Variants in RARB observed in about 807,000 individuals in gnomAD.
RARB encodes the protein retinoic acid receptor beta.
Under a neutral mutation model 51.9 loss-of-function variants are expected in RARB, and 17 were observed. That is an observed-to-expected ratio of 0.33 (90% CI 0.22 to 0.49). The LOEUF (loss-of-function observed/expected upper bound fraction) is 0.49, where lower values mean the gene tolerates loss of function less well. RARB is among the 20% of genes least tolerant of loss of function. The pLI is 0.99. For missense variants in RARB, 369 were observed against 550.8 expected, an observed-to-expected ratio of 0.67 and a Z score of 3.30; for synonymous variants, 215 against 195.4, an observed-to-expected ratio of 1.10 and a Z score of -0.84.
intron 5 of RARB, among the ~76,000 whole-genome samples, chr3:25,362,971 GAA>G (rs1057308097): frequency 6.6e-5 from 10 of 151,806 alleles, no homozygotes; most frequent in African/African-American, 1.2e-4. Flanking sequence ...TGATGAGTAA[GAA>G]AAAAAGTTAT....
chr3:24,986,027 C>A (rs1298330035), intron 2 of RARB, among the ~76,000 whole-genome samples: 1 of 152,174 alleles, frequency 6.6e-6, no homozygotes, highest in Non-Finnish European at 1.5e-5. Flanking sequence ...TTCTCCCCAG[C>A]GTTGGAATAT....
At position 25,229,576 on chromosome 3, in the gene RARB, C is replaced by G. The variant is rs920249989; in HGVS notation, c.178+55001C>G. Among the ~76,000 whole-genome samples the G allele has an allele frequency of 2.6e-5, 4 of 151,956 alleles. No homozygotes were observed. The South Asian group carries it at 8.3e-4, about 31-fold the overall frequency. ...GTATACTAGTTAAAAAATGTGTGGA[C>G]CTTTTGCTATTTCTCTATCAAAGAT... is the stretch of plus-strand genomic sequence containing the variant. On this transcript the variant is annotated intron_variant, in intron 5 of 11. Coordinates refer to the RARB transcript ENST00000383772.
intron 2 of RARB, among the ~76,000 whole-genome samples, chr3:25,494,537 C>T (rs1298662968): frequency 1.3e-5 from 2 of 152,190 alleles, no homozygotes; most frequent in African/African-American, 4.8e-5. Flanking sequence ...TACTTTTTCA[C>T]TGTCTGCTTC....
chr3:25,112,208 T>A (rs1454889524), intron 3 of RARB, among the ~76,000 whole-genome samples: 4 of 152,148 alleles, frequency 2.6e-5, no homozygotes, highest in African/African-American at 9.7e-5. Flanking sequence ...TGACATGGAC[T>A]TGAACTAGAA....
chr3:25,066,299 T>C (rs190264092), intron 3 of RARB, among the ~76,000 whole-genome samples: 1 of 152,352 alleles, frequency 6.6e-6, no homozygotes, highest in East Asian at 1.9e-4. Context: ...GATGTCAATG[T>C]CTGGTACTCA....
At position 24,871,493 on chromosome 3, in the gene RARB, C is replaced by G. The variant is rs115182882; in HGVS notation, c.-380+12741C>G. On this transcript the variant is annotated intron_variant, in intron 2 of 11. Transcript: ENST00000383772. ...AGTGATTGCTCCTTTTCACGCACCCCTCTAGGTCTTCTTCTCCCAAAATCT... is the reference window on the plus strand; with the variant it reads ...AGTGATTGCTCCTTTTCACGCACCCGTCTAGGTCTTCTTCTCCCAAAATCT... Among the ~76,000 whole-genome samples the G allele has an allele frequency of 7.9e-3, 1,201 of 152,216 alleles. 17 individuals carry two copies. The highest frequency in any genetic ancestry group is 0.026 in the African/African-American group (1,063 of 41,546).
intron 3 of RARB, among the ~76,000 whole-genome samples, chr3:25,060,698 C>G (rs1288201272): frequency 6.6e-6 from 1 of 151,752 alleles, no homozygotes. Flanking sequence ...GAAGGGGAAA[C>G]ATAAAGTTTA....
intron 1 of RARB, among the ~76,000 whole-genome samples, chr3:25,458,580 C>T (rs1432884235): frequency 6.6e-6 from 1 of 152,130 alleles, no homozygotes; most frequent in Non-Finnish European, 1.5e-5. Flanking sequence ...AGATACCAGC[C>T]CTTCTATAAA....
At chr3:24,985,067 T>G (rs566812913) in intron 2 of RARB, among the ~76,000 whole-genome samples, 1 of 152,316 alleles carries the variant, frequency 6.6e-6, no homozygotes, top group East Asian at 1.9e-4. Context: ...TTTATTTGGC[T>G]CTCTCAGTCA....
At chr3:25,326,261 G>A (rs901670267) in intron 5 of RARB, among the ~76,000 whole-genome samples, 1 of 152,202 alleles carries the variant, frequency 6.6e-6, no homozygotes, top group Non-Finnish European at 1.5e-5. Context: ...TGGGAGGGAG[G>A]CTGTCTAGAG....
intron 3 of RARB, among the ~76,000 whole-genome samples, chr3:25,108,014 A>G (rs1699538357): frequency 6.6e-6 from 1 of 152,162 alleles, no homozygotes; most frequent in Non-Finnish European, 1.5e-5. Flanking sequence ...GGTTTACTTG[A>G]ACACAAACAC....
chr3:24,908,886 T>C (rs1289865586), intron 2 of RARB, among the ~76,000 whole-genome samples: 2 of 152,098 alleles, frequency 1.3e-5, no homozygotes, highest in African/African-American at 2.4e-5. Flanking sequence ...CCACATTCTC[T>C]GCTTTCCCAC....
chr3:25,173,616 T>C, intron 4 of RARB, among the ~76,000 whole-genome samples: 1 of 152,196 alleles, frequency 6.6e-6, no homozygotes, highest in Non-Finnish European at 1.5e-5. Flanking sequence ...TTTGGAAGCA[T>C]ATCAGTTAGA....
At chr3:25,211,832 T>A (rs1701704526) in intron 5 of RARB, among the ~76,000 whole-genome samples, 1 of 152,228 alleles carries the variant, frequency 6.6e-6, no homozygotes, top group Non-Finnish European at 1.5e-5. Flanking sequence ...TTGTCCATGA[T>A]CCATAATTTG....
intron 4 of RARB, among the ~76,000 whole-genome samples, chr3:25,132,433 G>T (rs1699968361): frequency 6.6e-6 from 1 of 151,812 alleles, no homozygotes; most frequent in Non-Finnish European, 1.5e-5. Context: ...CAAGAATTTT[G>T]TGGCTTGCCC....
intron 5 of RARB, among the ~76,000 whole-genome samples, chr3:25,412,422 A>G (rs1039456315): frequency 2.6e-5 from 4 of 152,184 alleles, no homozygotes; most frequent in South Asian, 2.1e-4. Context: ...AGCTAGTTCT[A>G]TGGTGACTCA....
At chr3:25,573,147 G>C (rs955795040) in intron 4 of RARB, among the ~76,000 whole-genome samples, 2 of 152,120 alleles carry the variant, frequency 1.3e-5, no homozygotes, top group Non-Finnish European at 2.9e-5. Context: ...ATCGAGCTCT[G>C]ACTGCCCACA....
intron 3 of RARB, among the ~76,000 whole-genome samples, chr3:25,073,869 T>C (rs1043324912): frequency 1.3e-5 from 2 of 152,212 alleles, no homozygotes; most frequent in Non-Finnish European, 2.9e-5. Context: ...AATTAGACTT[T>C]CTTATTCAGA....
At chr3:25,413,892 T>A (rs897592884) in intron 5 of RARB, among the ~76,000 whole-genome samples, 1 of 152,224 alleles carries the variant, frequency 6.6e-6, no homozygotes, top group African/African-American at 2.4e-5. Context: ...CATGACAATT[T>A]ATTGAGTTGT....
Sources: gnomAD v4.1 joint callset for allele counts (sites outside exome capture counted in the v4.1 genomes callset) on GRCh38, gnomAD v4.1.1 for gene constraint, MANE v1.5 for transcripts, NCBI Gene and HGNC (gene_info 2026-07-23, HGNC 2026-07-21) for gene names.